The following SLC24A4 variants were observed in gnomAD, a reference collection of about 807,000 sequenced individuals.
The protein encoded by SLC24A4 is solute carrier family 24 member 4, also known as sodium/potassium/calcium exchanger 4.
SLC24A4 carries 53 observed loss-of-function variants against 79.0 expected under a neutral mutation model. The ratio of observed to expected loss-of-function variants is 0.67; its 90% CI spans 0.54 to 0.84. SLC24A4 has a LOEUF of 0.84. Among genes scored for constraint, SLC24A4 ranks in the 40% least tolerant of loss-of-function variants. The pLI, the probability that SLC24A4 is intolerant of heterozygous loss-of-function variation, is 0.00. For synonymous variants in SLC24A4, 323 were observed against 323.8 expected, an observed-to-expected ratio of 1.00 and a Z score of 0.03; for missense variants, 731 against 822.0, an observed-to-expected ratio of 0.89 and a Z score of 1.35.
At chr14:92,471,175 T>A (rs1315152896) in intron 12 of SLC24A4, among the ~76,000 whole-genome samples, 1 of 152,214 alleles carries the variant, frequency 6.6e-6, no homozygotes, top group Non-Finnish European at 1.5e-5. Flanking sequence ...AGCTCTAGCA[T>A]CAGTATCCCA....
intron 2 of SLC24A4, among the ~76,000 whole-genome samples, chr14:92,425,889 T>TG (rs910207999): frequency 3.3e-5 from 5 of 152,060 alleles, no homozygotes; most frequent in Non-Finnish European, 7.4e-5. Context: ...GGATGTGATG[T>TG]GGGGGATCAC....
chr14:92,475,439 G>A (rs957507083), intron 12 of SLC24A4, among the ~76,000 whole-genome samples: 2 of 152,234 alleles, frequency 1.3e-5, no homozygotes, highest in Non-Finnish European at 2.9e-5. Flanking sequence ...GTCAGGAGAG[G>A]TAGAGATGGT....
At position 92,324,838 on chromosome 14, in the gene SLC24A4, C is replaced by T. The variant is rs151224494; in HGVS notation, c.130+878C>T. Among the ~76,000 whole-genome samples the T allele has an allele frequency of 7.8e-4, 118 of 152,192 alleles. No individual in the cohort carries two copies. In the East Asian group the frequency reaches 0.021, roughly 27 times the overall value. ...GACATGGAAGGTAAAGCGGGTAGTACCTTCTTGAGCAGTTAGAAAGGCCGT... is the reference window on the plus strand; with the variant it reads ...GACATGGAAGGTAAAGCGGGTAGTATCTTCTTGAGCAGTTAGAAAGGCCGT... On this transcript the variant is annotated intron_variant, in intron 1 of 16. Coordinates refer to ENST00000532405, the MANE Select transcript of SLC24A4 (RefSeq NM_153646.4).
chr14:92,448,287 A>T (rs1320002942), intron 9 of SLC24A4, among the ~76,000 whole-genome samples: 1 of 151,292 alleles, frequency 6.6e-6, no homozygotes, highest in Non-Finnish European at 1.5e-5. Context: ...TTGTGCCCTT[A>T]AAAAGGGAAA....
intron 2 of SLC24A4, among the ~76,000 whole-genome samples, chr14:92,369,865 G>A (rs1888053865): frequency 6.6e-6 from 1 of 152,200 alleles, no homozygotes. Context: ...TTGGGAGAAG[G>A]GGTTGCACAT....
At chr14:92,357,052 A>T (rs7142805) in intron 2 of SLC24A4, among the ~76,000 whole-genome samples, 133,051 of 152,240 alleles carry the variant, frequency 0.87, 58,574 homozygotes, top group East Asian at 0.98. Flanking sequence ...AGCTTTAATG[A>T]GTATCAGTTG....
At chr14:92,430,640 G>A (rs962211614) in intron 2 of SLC24A4, among the ~76,000 whole-genome samples, 2 of 152,206 alleles carry the variant, frequency 1.3e-5, no homozygotes, top group Non-Finnish European at 2.9e-5. Context: ...AGGACCAAGA[G>A]TGATGGAAGC....
chr14:92,335,658 C>T (rs1396407687), intron 2 of SLC24A4, among the ~76,000 whole-genome samples: 1 of 152,170 alleles, frequency 6.6e-6, no homozygotes, highest in East Asian at 1.9e-4. Context: ...CCACTGCGCC[C>T]AGCCCTCATG....
intron 2 of SLC24A4, among the ~76,000 whole-genome samples, chr14:92,366,606 C>T (rs910142719): frequency 1.3e-5 from 2 of 152,182 alleles, no homozygotes; most frequent in African/African-American, 2.4e-5. Flanking sequence ...TAATACCCTT[C>T]GCTTTGAATA....
chr14:92,437,577 G>A (rs1183056854), intron 3 of SLC24A4, among the ~76,000 whole-genome samples: 1 of 152,208 alleles, frequency 6.6e-6, no homozygotes. Context: ...AAGTCACATG[G>A]CAAGTCAGTT....
chr14:92,361,627 C>T (rs1245709656), intron 2 of SLC24A4, among the ~76,000 whole-genome samples: 5 of 152,134 alleles, frequency 3.3e-5, no homozygotes, highest in East Asian at 1.9e-4. Flanking sequence ...TCCTTGCCCT[C>T]GTGGTGTTAC....
chr14:92,368,236 C>T (rs1043308216), intron 2 of SLC24A4, among the ~76,000 whole-genome samples: 3 of 152,198 alleles, frequency 2.0e-5, no homozygotes, highest in Non-Finnish European at 4.4e-5. Flanking sequence ...CAAGTTAATG[C>T]CTGAATTTAC....
intron 13 of SLC24A4, chr14:92,484,068 A>G: frequency 1.0e-6 from 1 of 985,296 alleles, no homozygotes; most frequent in Non-Finnish European, 1.2e-6. Context: ...AGTGGGGGTG[A>G]TCATCACTCT....
chr14:92,359,584 G>A (rs1887384354), intron 2 of SLC24A4, among the ~76,000 whole-genome samples: 2 of 151,766 alleles, frequency 1.3e-5, no homozygotes, highest in Admixed American at 1.3e-4. Flanking sequence ...GGGGGACTGT[G>A]AGACTTCATT....
At chr14:92,338,575 C>A (rs1193730273) in intron 2 of SLC24A4, among the ~76,000 whole-genome samples, 1 of 152,224 alleles carries the variant, frequency 6.6e-6, no homozygotes, top group Admixed American at 6.5e-5. Context: ...TATGACCCCG[C>A]TGTTGGTTTA....
At chr14:92,419,469 CATGTTGGCAATGAT>C (rs1891160909) in intron 2 of SLC24A4, among the ~76,000 whole-genome samples, 1 of 152,172 alleles carries the variant, frequency 6.6e-6, no homozygotes, top group Admixed American at 6.5e-5. Flanking sequence ...ACCTGGTGTC[CATGTTGGCAATGAT>C]GGAAGTCTCT....
At position 92,391,936 on chromosome 14, in the gene SLC24A4, G is replaced by A. The variant is rs1410356300; in HGVS notation, c.242-41976G>A. On this transcript the variant is annotated intron_variant, in intron 2 of 16. Transcript: ENST00000532405. Reference sequence around the variant, plus strand: ...TCAGCCAGCACCTGACTGCAGCTGCGTGAGAGACTCCAAGTGAGAACCACG... The same window carrying A: ...TCAGCCAGCACCTGACTGCAGCTGCATGAGAGACTCCAAGTGAGAACCACG... Among the ~76,000 whole-genome samples, 7 of 152,170 alleles carry A rather than the reference G, an allele frequency of 4.6e-5. No individual in the cohort carries two copies. In the East Asian group the frequency reaches 7.7e-4, roughly 17 times the overall value.
Position 92,323,872 on chromosome 14 carries a change from G to A in SLC24A4, c.42G>A (p.Arg14=), listed in dbSNP as rs1287246237. ...RGTLRPLKVR[R]RREMLPQQVG... ...CCCTCCGGCCGCTCAAAGTTCGCAG[G>A]AGGCGAGAGATGCTGCCGCAGCAAG... Residue 14 remains arginine (R), a synonymous_variant, in exon 1 of 17, where the codon AGG becomes AGA. Coordinates refer to ENST00000532405, the MANE Select transcript of SLC24A4 (RefSeq NM_153646.4). This position sits in a 1 kb window ranked among gnomAD's most constrained non-coding sequence, Gnocchi z 4.9. The A allele has an allele frequency of 6.2e-7, 1 of 1,602,816 alleles. No individual in the cohort carries two copies. Among genetic ancestry groups the A allele is most frequent in the Non-Finnish European group, 8.5e-7 (1 of 1,179,162 alleles).
chr14:92,399,148 C>T (rs1889947501), intron 2 of SLC24A4, among the ~76,000 whole-genome samples: 1 of 152,192 alleles, frequency 6.6e-6, no homozygotes, highest in East Asian at 1.9e-4. Context: ...AATGCATTTT[C>T]AGTAGGATAT....
Sources: allele counts gnomAD v4.1 joint callset (sites outside exome capture counted in the v4.1 genomes callset), GRCh38; gene constraint gnomAD v4.1.1; non-coding constraint Gnocchi (gnomAD v3.1); transcripts MANE v1.5; gene names NCBI Gene and HGNC (gene_info 2026-07-23, HGNC 2026-07-21).